STPG2: variants seen among roughly 807,000 people sequenced by gnomAD.
STPG2 encodes sperm-tail PG-rich repeat-containing protein 2.
In STPG2, 56 loss-of-function variants were observed where a neutral mutation model predicts 54.2. The observed-to-expected ratio is 1.03, with a 90% CI of 0.83 to 1.29. STPG2 has a LOEUF of 1.29. Among genes scored for constraint, STPG2 ranks in the 50% most tolerant of loss-of-function variants. STPG2 has a pLI of 0.00. For synonymous variants in STPG2, 200 were observed against 181.8 expected (o/e 1.10, Z -0.81); for missense variants, 596 against 544.9 (o/e 1.09, Z -0.93).
chr4:97,691,650 C>T (rs184269927), intron 10 of STPG2, among the ~76,000 whole-genome samples: 3 of 152,214 alleles, frequency 2.0e-5, no homozygotes, highest in Admixed American at 6.5e-5. Flanking sequence ...CCCTACCCAC[C>T]ACCTAACCCT....
chr4:97,648,780 A>C (rs1467640853), intron 10 of STPG2, among the ~76,000 whole-genome samples: 1 of 152,166 alleles, frequency 6.6e-6, no homozygotes, highest in Non-Finnish European at 1.5e-5. Flanking sequence ...CTAGAAATAA[A>C]AAATAAGTAG....
intron 8 of STPG2, among the ~76,000 whole-genome samples, chr4:97,853,126 G>A (rs796834776): frequency 2.6e-5 from 4 of 151,522 alleles, no homozygotes; most frequent in South Asian, 2.1e-4. Context: ...ACAGGCACCC[G>A]CCACCGCGCC....
intron 8 of STPG2, among the ~76,000 whole-genome samples, chr4:97,893,371 T>C (rs1290558715): frequency 1.3e-5 from 2 of 152,114 alleles, no homozygotes; most frequent in Non-Finnish European, 2.9e-5. Flanking sequence ...GGTAATCAAA[T>C]ATAGATTTCA....
At chr4:97,502,315 A>G (rs1263397734) in intron 4 of STPG2, among the ~76,000 whole-genome samples, 3 of 152,028 alleles carry the variant, frequency 2.0e-5, no homozygotes, top group Non-Finnish European at 4.4e-5. Flanking sequence ...AACAGGCAGA[A>G]AAAACAAGTC....
At position 97,454,982 on chromosome 4, in the gene STPG2, C is replaced by T. The variant is rs183733108; in HGVS notation, c.462+257717G>A. On this transcript the variant is annotated intron_variant, in intron 4 of 4. Transcript: ENST00000522676. Reference sequence around the variant, plus strand: ...TAGCAAAAATATTCCTACTACAGCACTTCAAGTCTTATTATACAGCTACAG... The same window carrying T: ...TAGCAAAAATATTCCTACTACAGCATTTCAAGTCTTATTATACAGCTACAG... Among the ~76,000 whole-genome samples the T allele has an allele frequency of 1.8e-3, 280 of 152,174 alleles. 1 individual carries two copies. Among genetic ancestry groups the T allele is most frequent in the African/African-American group, 6.4e-3 (267 of 41,514 alleles).
At chr4:97,846,017 C>A (rs1454325000) in intron 8 of STPG2, among the ~76,000 whole-genome samples, 1 of 152,138 alleles carries the variant, frequency 6.6e-6, no homozygotes, top group Non-Finnish European at 1.5e-5. Flanking sequence ...AACTTCTGAA[C>A]CTGAACCTCA....
At chr4:97,841,859 T>C (rs1385849015) in intron 8 of STPG2, among the ~76,000 whole-genome samples, 2 of 151,802 alleles carry the variant, frequency 1.3e-5, no homozygotes, top group East Asian at 1.9e-4. Flanking sequence ...AGGATTAAAT[T>C]AGTTAAAATG....
rs575555145 is a variant in STPG2 at position 98,141,742 on chromosome 4, C to T, written c.109+1300G>A. Among the ~76,000 whole-genome samples, 72 of 152,240 alleles carry T rather than the reference C, an allele frequency of 4.7e-4. 1 individual carries two copies. The highest frequency in any genetic ancestry group is 2.0e-3 in the Admixed American group (31 of 15,300). On this transcript the variant is annotated intron_variant, in intron 1 of 10. Coordinates refer to ENST00000295268, the MANE Select transcript of STPG2 (RefSeq NM_174952.3). ...GGCTGTGTCACAGGCCATGGTCACT[C>T]ATATTTGGCTCGGAATAAATCTCTT...
chr4:98,046,725 C>G (rs1737140851), intron 5 of STPG2, among the ~76,000 whole-genome samples: 1 of 152,196 alleles, frequency 6.6e-6, no homozygotes, highest in Non-Finnish European at 1.5e-5. Context: ...TCACTCTGCT[C>G]TAAGATGGAG....
chr4:98,024,481 C>T (rs532522552), intron 5 of STPG2, among the ~76,000 whole-genome samples: 43 of 152,236 alleles, frequency 2.8e-4, no homozygotes, highest in Middle Eastern at 3.4e-3. Context: ...ATTAAATCAA[C>T]GAAACACCAT....
chr4:97,927,659 AT>A (rs1732386369), intron 8 of STPG2, among the ~76,000 whole-genome samples: 1 of 152,008 alleles, frequency 6.6e-6, no homozygotes, highest in South Asian at 2.1e-4. Context: ...GTCAACCCTA[AT>A]TTTTCAAGCC....
intron 8 of STPG2, among the ~76,000 whole-genome samples, chr4:97,918,874 C>T (rs1029868087): frequency 5.3e-5 from 8 of 151,964 alleles, no homozygotes; most frequent in South Asian, 2.1e-4. Context: ...GTACACTGCT[C>T]GGGTGATGGG....
rs188313080 is a variant in STPG2 at position 97,561,479 on chromosome 4, T to C, written c.1321-2362A>G. The stretch of plus-strand genomic sequence containing the variant: ...AGATCTCATATGACAATTTTGGCTT[T>C]TGTTGCCACTGCTTTTGGTGTTTTA... On this transcript the variant is annotated intron_variant, in intron 10 of 10. Transcript: ENST00000295268. Among the ~76,000 whole-genome samples, 621 of 152,350 alleles carry C rather than the reference T, an allele frequency of 4.1e-3. 4 individuals carry two copies. Among genetic ancestry groups the C allele is most frequent in the South Asian group, 0.016 (78 of 4,830 alleles).
At chr4:97,679,498 T>C (rs1383127569) in intron 10 of STPG2, among the ~76,000 whole-genome samples, 2 of 151,814 alleles carry the variant, frequency 1.3e-5, no homozygotes, top group East Asian at 1.9e-4. Context: ...GTAAATTTGT[T>C]TGAGTTCATT....
intron 4 of STPG2, among the ~76,000 whole-genome samples, chr4:97,476,947 A>G (rs1211780521): frequency 6.6e-6 from 1 of 152,208 alleles, no homozygotes; most frequent in Non-Finnish European, 1.5e-5. Context: ...GATATATCAA[A>G]AAGACAGTTG....
At chr4:97,662,249 A>G (rs189644137) in intron 10 of STPG2, among the ~76,000 whole-genome samples, 3 of 152,290 alleles carry the variant, frequency 2.0e-5, no homozygotes, top group Admixed American at 1.3e-4. Flanking sequence ...AAAAGAAGAC[A>G]CACAAGCAGC....
At chr4:98,117,157 T>C (rs1434734102) in intron 3 of STPG2, among the ~76,000 whole-genome samples, 1 of 152,036 alleles carries the variant, frequency 6.6e-6, no homozygotes, top group Non-Finnish European at 1.5e-5. Context: ...CTTCCATTTA[T>C]CTGAAAATGT....
chr4:97,565,331 T>G (rs1176668925), intron 10 of STPG2, among the ~76,000 whole-genome samples: 1 of 152,196 alleles, frequency 6.6e-6, no homozygotes, highest in Non-Finnish European at 1.5e-5. Flanking sequence ...AGTTATACAT[T>G]CATCGAAATT....
At chr4:97,828,982 T>C (rs1728351554) in intron 9 of STPG2, among the ~76,000 whole-genome samples, 1 of 152,308 alleles carries the variant, frequency 6.6e-6, no homozygotes, top group South Asian at 2.1e-4. Context: ...CTGATGGCTC[T>C]GAGAGCAGCA....
Sources: gnomAD v4.1 joint callset for allele counts (sites outside exome capture counted in the v4.1 genomes callset) on GRCh38, gnomAD v4.1.1 for gene constraint, MANE v1.5 for transcripts, NCBI Gene and HGNC (gene_info 2026-07-23, HGNC 2026-07-21) for gene names.